Variants in GLRA2 observed in about 807,000 individuals in gnomAD.
GLRA2 encodes glycine receptor subunit alpha-2.
In GLRA2, 11 loss-of-function variants were observed where a neutral mutation model predicts 31.6. That is an observed-to-expected ratio of 0.35 (90% CI 0.22 to 0.58). The LOEUF (loss-of-function observed/expected upper bound fraction) is 0.58. Ranked by LOEUF, GLRA2 falls within the 20% of genes least tolerant of loss-of-function variation. The pLI is 0.84. For synonymous variants in GLRA2, 132 were observed against 134.0 expected, an observed-to-expected ratio of 0.99 and a Z score of 0.10; for missense variants, 212 against 351.8, an observed-to-expected ratio of 0.60 and a Z score of 3.18.
Position 14,730,147 on chromosome X carries a change from C to T in GLRA2, c.1081-60C>T, listed in dbSNP as rs777784766. ...CCTTTTACTTCTAAAGAATTTTAAG[C>T]ATCTTCCATCTAACTTGACTGACAA... On this transcript the variant is annotated intron_variant, in intron 8 of 8. Coordinates refer to ENST00000218075, the MANE Select transcript of GLRA2 (RefSeq NM_002063.4). 105 of 856,798 alleles carry T rather than the reference C, an allele frequency of 1.2e-4. No homozygotes were observed. The South Asian group carries it at 2.2e-3, about 18-fold the overall frequency. The allele number at this position is 856,798 out of a possible 1,213,427, so 70.6% of individuals were successfully genotyped here. A position where few individuals can be genotyped will look rare whatever the true frequency, so the allele number is the denominator to read the frequency against.
intron 7 of GLRA2, among the ~76,000 whole-genome samples, chrX:14,669,723 A>G (rs1601816110): frequency 9.0e-6 from 1 of 111,665 alleles, no homozygotes; most frequent in East Asian, 2.8e-4. Flanking sequence ...TGCATGCTGC[A>G]AACAGCACAG....
chrX:14,451,489 G>A, the GLRA2 span, among the ~76,000 whole-genome samples: 1 of 108,990 alleles, frequency 9.2e-6, no homozygotes, highest in Non-Finnish European at 1.9e-5. Flanking sequence ...AATTAGCCAA[G>A]CAAGGCAGTG....
intron 4 of GLRA2, among the ~76,000 whole-genome samples, chrX:14,591,165 T>A (rs745594191): frequency 6.4e-4 from 72 of 112,182 alleles, no homozygotes; most frequent in Admixed American, 1.1e-3. Context: ...AAGGATCTTG[T>A]ATTAGTCAGG....
chrX:14,598,966 T>C (rs939286324), intron 4 of GLRA2, among the ~76,000 whole-genome samples: 32 of 112,430 alleles, frequency 2.8e-4, no homozygotes, highest in African/African-American at 9.7e-4. Flanking sequence ...AAGTGAGGTA[T>C]AAACCCAAGA....
In GLRA2 at chrX:14,678,472, TAA is replaced by T. The variant is rs758331234; in HGVS notation, c.931-12236_931-12235del. On this transcript the variant is annotated intron_variant, in intron 7 of 8. Coordinates refer to ENST00000218075, the MANE Select transcript of GLRA2 (RefSeq NM_002063.4). The stretch of plus-strand genomic sequence containing the variant: ...AGTGACATCTTTGGAATGGAGAGAG[TAA>T]AGAGTAAACCCAGGATTGCTTTACA... Among the ~76,000 whole-genome samples the T allele has an allele frequency of 4.5e-5, 5 of 110,478 alleles. No individual in the cohort carries two copies. In the East Asian group the frequency reaches 1.4e-3, roughly 32 times the overall value.
chrX:14,519,931 C>A, the GLRA2 span, among the ~76,000 whole-genome samples: 1 of 112,119 alleles, frequency 8.9e-6, no homozygotes, highest in African/African-American at 3.2e-5. Flanking sequence ...GGTACACATG[C>A]ACTAATGAGT....
chrX:14,688,816 A>G (rs964615481), intron 7 of GLRA2, among the ~76,000 whole-genome samples: 19 of 110,249 alleles, frequency 1.7e-4, no homozygotes, highest in Middle Eastern at 4.2e-3. Flanking sequence ...TCCTGCCCCC[A>G]CTGTCTGATA....
At chrX:14,673,616 C>A (rs2091115653) in intron 7 of GLRA2, among the ~76,000 whole-genome samples, 1 of 111,779 alleles carries the variant, frequency 8.9e-6, no homozygotes, top group African/African-American at 3.3e-5. Flanking sequence ...GTCAGCTCTT[C>A]CATATTCCTC....
intron 4 of GLRA2, among the ~76,000 whole-genome samples, chrX:14,596,486 C>G (rs3027374): frequency 9.1e-6 from 1 of 110,014 alleles, no homozygotes; most frequent in East Asian, 2.9e-4. Flanking sequence ...TATCATTACC[C>G]CTAGTCCAAT....
At chrX:14,517,941 C>G in the GLRA2 span, among the ~76,000 whole-genome samples, 6 of 110,592 alleles carry the variant, frequency 5.4e-5, no homozygotes, top group Admixed American at 4.8e-4. Context: ...AAGTGAAAAG[C>G]CACAAACCAG....
chrX:14,638,663 G>T (rs1459082044), intron 7 of GLRA2, among the ~76,000 whole-genome samples: 1 of 110,560 alleles, frequency 9.0e-6, no homozygotes, highest in Non-Finnish European at 1.9e-5. Flanking sequence ...TATGAATTCA[G>T]GTACATTCAC....
chrX:14,457,289 T>C, the GLRA2 span, among the ~76,000 whole-genome samples: 1 of 111,670 alleles, frequency 9.0e-6, no homozygotes, highest in African/African-American at 3.3e-5. Context: ...GCCATGGTGG[T>C]TTCTGCACCC....
the GLRA2 span, among the ~76,000 whole-genome samples, chrX:14,484,979 T>G: frequency 8.9e-6 from 1 of 112,552 alleles, no homozygotes; most frequent in Non-Finnish European, 1.9e-5. Flanking sequence ...ACATACACCC[T>G]TAAGCTCATG....
chrX:14,662,542 A>C (rs1266760360), intron 7 of GLRA2, among the ~76,000 whole-genome samples: 2 of 112,016 alleles, frequency 1.8e-5, no homozygotes, highest in Non-Finnish European at 3.8e-5. Flanking sequence ...ATATATATGA[A>C]TGTTCAGGCT....
the GLRA2 span, among the ~76,000 whole-genome samples, chrX:14,472,982 G>T: frequency 9.0e-6 from 1 of 111,359 alleles, no homozygotes; most frequent in Non-Finnish European, 1.9e-5. Flanking sequence ...ATGACCCAGA[G>T]AAATTCCTTT....
the GLRA2 span, among the ~76,000 whole-genome samples, chrX:14,464,291 T>C: frequency 3.6e-5 from 4 of 112,030 alleles, no homozygotes; most frequent in African/African-American, 1.3e-4. Flanking sequence ...TCTATGTTTT[T>C]CACAGGAGTT....
In GLRA2 at chrX:14,695,561, C is replaced by T. The variant is rs143832099; in HGVS notation, c.1080+4702C>T. Among the ~76,000 whole-genome samples the T allele has an allele frequency of 5.3e-5, 6 of 112,198 alleles. No individual in the cohort carries two copies. In the East Asian group the frequency reaches 1.7e-3, roughly 31 times the overall value. ...TATTGCCAGTTCATAGATGGAGATACTGAAGCACAAAGAGGTTAAATAGCT... is the reference window on the plus strand; with the variant it reads ...TATTGCCAGTTCATAGATGGAGATATTGAAGCACAAAGAGGTTAAATAGCT... On this transcript the variant is annotated intron_variant, in intron 8 of 8. Transcript: ENST00000218075.
the GLRA2 span, among the ~76,000 whole-genome samples, chrX:14,470,862 G>C: frequency 8.9e-6 from 1 of 112,101 alleles, no homozygotes; most frequent in East Asian, 2.8e-4. Flanking sequence ...CAAATCACAG[G>C]TTTTTGACTG....
rs1474304175 is a variant in GLRA2, at chrX:14,676,123, T to C, written c.931-14587T>C. On this transcript the variant is annotated intron_variant, in intron 7 of 8. Transcript: ENST00000218075. ...GCTGCATTAATCAAGGTTAATTACA[T>C]ATTTTCCACATATAAATTAGATAAA... 2.7e-5 allele frequency among the ~76,000 whole-genome samples: 3 copies of C among 112,617 alleles called. No homozygotes were observed. In the Admixed American group the frequency reaches 2.8e-4, roughly 11 times the overall value.
Sources: allele counts gnomAD v4.1 joint callset (sites outside exome capture counted in the v4.1 genomes callset), GRCh38; gene constraint gnomAD v4.1.1; transcripts MANE v1.5; gene names NCBI Gene and HGNC (gene_info 2026-07-23, HGNC 2026-07-21).